SHD: variants seen among roughly 807,000 people sequenced by gnomAD.
The protein encoded by SHD is SH2 domain-containing adapter protein D.
A neutral mutation model predicts 31.2 loss-of-function variants in SHD; 29 were observed. The observed-to-expected ratio is 0.93, with a 90% CI of 0.69 to 1.27. SHD has a LOEUF of 1.27. SHD is among the 50% of genes most tolerant of loss of function. SHD has a pLI of 0.00. For synonymous variants in SHD, 208 were observed against 187.8 expected, an observed-to-expected ratio of 1.11 and a Z score of -0.88; for missense variants, 520 against 453.8, an observed-to-expected ratio of 1.15 and a Z score of -1.33.
chr19:4,281,084 C>T (rs937698688), intron 1 of SHD, among the ~76,000 whole-genome samples: 2 of 151,992 alleles, frequency 1.3e-5, no homozygotes, highest in Admixed American at 6.6e-5. Context: ...TTTACAGAAG[C>T]GAAACTGAGG....
chr19:4,285,884 CCTTT>C (rs1448269687), intron 4 of SHD, among the ~76,000 whole-genome samples: 3 of 108,874 alleles, frequency 2.8e-5, no homozygotes, highest in African/African-American at 1.1e-4. Context: ...CTTTTCTTTT[CCTTT>C]CTTTTTTTTT....
In SHD at chr19:4,279,926, G is replaced by A; in HGVS notation, c.-138G>A. 9.3e-7 allele frequency: 1 copy of A among 1,075,500 alleles called. No homozygotes were observed. Among genetic ancestry groups the A allele is most frequent in the East Asian group, 2.6e-5 (1 of 38,418 alleles). 66.6% of individuals were successfully genotyped at this position (1,075,500 alleles called of 1,614,324 possible). A position where few individuals can be genotyped will look rare whatever the true frequency, so the allele number is the denominator to read the frequency against. On this transcript the variant is annotated 5_prime_UTR_variant, in exon 1 of 6. Transcript: ENST00000543264. This position sits in a 1 kb window ranked among gnomAD's most constrained non-coding sequence, Gnocchi z 7.5. Reference sequence around the variant, plus strand: ...TCTATCCATCCAGAGCCCCGCCAAAGGGCGCACCTGATCTTTCTCATCCTT... The same window carrying A: ...TCTATCCATCCAGAGCCCCGCCAAAAGGCGCACCTGATCTTTCTCATCCTT...
chr19:4,288,136 C>T (rs529859842), intron 4 of SHD, 107 bp from the exon 5 acceptor site: 30 of 1,343,402 alleles, frequency 2.2e-5, no homozygotes, highest in Non-Finnish European at 3.0e-5. Context: ...AACTCCTGAC[C>T]TCAGGCAATC....
chr19:4,282,798 C>A, intron 1 of SHD, 72 bp from the exon 2 acceptor site: 1 of 1,271,794 alleles, frequency 7.9e-7, no homozygotes. Flanking sequence ...TGTGGGCAGG[C>A]AAGAGGTGCA....
rs1971230412 is a variant in SHD at position 4,279,305 on chromosome 19, G to C, written c.-759G>C. 1 of 151,850 alleles carries C rather than the reference G, an allele frequency of 6.6e-6. No homozygotes were observed. The highest frequency in any genetic ancestry group is 2.0e-4 in the East Asian group (1 of 5,118). The allele number at this position is 151,850 out of a possible 1,614,324, so 9.4% of individuals were successfully genotyped here. ...CGCGGCCCGGGGCTGGTGGGAACAG[G>C]GGCGTCCTCCTGCGCGCCCCCCTCC... On this transcript the variant is annotated 5_prime_UTR_variant, in exon 1 of 6. Coordinates refer to ENST00000543264, the MANE Select transcript of SHD (RefSeq NM_020209.4). The surrounding 1 kb of genome is among the most constrained non-coding windows in gnomAD (Gnocchi z 7.5).
intron 3 of SHD, among the ~76,000 whole-genome samples, chr19:4,284,162 C>CGTG (rs1366486155): frequency 1.3e-5 from 2 of 151,664 alleles, no homozygotes; most frequent in Admixed American, 6.6e-5. Context: ...ATTAGTCGGG[C>CGTG]GTGGTGGTGC....
At chr19:4,283,907 T>A (rs1971282944) in intron 3 of SHD, among the ~76,000 whole-genome samples, 1 of 152,032 alleles carries the variant, frequency 6.6e-6, no homozygotes, top group Non-Finnish European at 1.5e-5. Context: ...TAGCTGCTAG[T>A]AAACTACAGG....
At position 4,279,911 on chromosome 19, in the gene SHD, C is replaced by A; in HGVS notation, c.-153C>A. On this transcript the variant is annotated 5_prime_UTR_variant, in exon 1 of 6. Coordinates refer to ENST00000543264, the MANE Select transcript of SHD (RefSeq NM_020209.4). The surrounding 1 kb of genome is among the most constrained non-coding windows in gnomAD (Gnocchi z 7.5). The stretch of plus-strand genomic sequence containing the variant: ...CACCTTTTCCTTCCCTCTATCCATC[C>A]AGAGCCCCGCCAAAGGGCGCACCTG... 1 of 916,786 alleles carries A rather than the reference C, an allele frequency of 1.1e-6. No homozygotes were observed. The highest frequency in any genetic ancestry group is 1.6e-6 in the Non-Finnish European group (1 of 618,116). The allele number at this position is 916,786 out of a possible 1,614,324, so 56.8% of individuals were successfully genotyped here.
At chr19:4,285,995 A>G (rs1345879800) in intron 4 of SHD, among the ~76,000 whole-genome samples, 8 of 137,114 alleles carry the variant, frequency 5.8e-5, no homozygotes, top group East Asian at 2.3e-4. Context: ...TGGTTCAAGC[A>G]ATTCTCTTGC....
chr19:4,285,573 C>T (rs770375239), intron 4 of SHD, among the ~76,000 whole-genome samples: 11 of 151,542 alleles, frequency 7.3e-5, no homozygotes, highest in South Asian at 4.2e-4. Context: ...CCTCCCTCCC[C>T]GAGTCTTGCT....
Position 4,289,547 on chromosome 19 carries a change from CTTATTA to C in SHD, c.837-888_837-883del, listed in dbSNP as rs1353013897. 1.9e-3 allele frequency among the ~76,000 whole-genome samples: 284 copies of C among 150,126 alleles called. 1 individual carries two copies. Among genetic ancestry groups the C allele is most frequent in the African/African-American group, 6.6e-3 (271 of 40,914 alleles). On this transcript the variant is annotated intron_variant, in intron 5 of 5. Transcript: ENST00000543264. ...AGGTGTGGGTCACTGCACCTGGCCTCTTATTATTATTATTATTTATTTATTTATTTA... is the reference window on the plus strand; with the variant it reads ...AGGTGTGGGTCACTGCACCTGGCCTCTTATTATTATTTATTTATTTATTTA...
chr19:4,283,498 G>C (rs892455880), intron 3 of SHD, among the ~76,000 whole-genome samples: 1 of 152,154 alleles, frequency 6.6e-6, no homozygotes, highest in Non-Finnish European at 1.5e-5. Context: ...GGTGTGGGGA[G>C]AGGAATATGG....
chr19:4,286,486 C>T (rs1287335393), intron 4 of SHD, among the ~76,000 whole-genome samples: 6 of 151,892 alleles, frequency 4.0e-5, no homozygotes, highest in East Asian at 1.9e-4. Flanking sequence ...ACCACAGGCA[C>T]GCCATATGTG....
At position 4,290,591 on chromosome 19, in the gene SHD, G is replaced by A. The variant is rs778798546; in HGVS notation, c.981G>A (p.Glu327=). ...SSRPLPVQGA[E]HLALLYPVVT... is the part of the protein sequence containing the mutation. ...GCCCACTGCCGGTGCAGGGTGCCGA[G>A]CATCTGGCTCTGCTGTACCCCGTGG... The change falls in exon 6 of 6, where the codon GAG becomes GAA. Residue 327 remains glutamate, a synonymous_variant. Coordinates refer to ENST00000543264, the MANE Select transcript of SHD (RefSeq NM_020209.4). The A allele has an allele frequency of 1.9e-6, 3 of 1,613,432 alleles. No homozygotes were observed. The highest frequency in any genetic ancestry group is 2.5e-6 in the Non-Finnish European group (3 of 1,179,832).
rs1158652048 is a variant in SHD at position 4,279,766 on chromosome 19, C to G, written c.-298C>G. On this transcript the variant is annotated 5_prime_UTR_variant, in exon 1 of 6. Transcript: ENST00000543264. The surrounding 1 kb of genome is among the most constrained non-coding windows in gnomAD (Gnocchi z 7.5). ...CCGCGGATGCCCCTCGCCCTAGCCC[C>G]CAGCGCGCGGGGTTCGGGGCCCTGC... The G allele has an allele frequency of 9.8e-6, 4 of 409,014 alleles. No individual in the cohort carries two copies. Among genetic ancestry groups the G allele is most frequent in the Non-Finnish European group, 1.8e-5 (4 of 228,568 alleles). 25.3% of individuals were successfully genotyped at this position (409,014 alleles called of 1,614,324 possible). A position where few individuals can be genotyped will look rare whatever the true frequency, so the allele number is the denominator to read the frequency against.
At position 4,288,369 on chromosome 19, in the gene SHD, A is replaced by G; in HGVS notation, c.836+7A>G. The G allele has an allele frequency of 6.2e-7, 1 of 1,611,178 alleles. No homozygotes were observed. Among genetic ancestry groups the G allele is most frequent in the Non-Finnish European group, 8.5e-7 (1 of 1,178,640 alleles). ...ACTGCTCCTTGTCTCTCAGGTGAGAACTCAGCCTCACAGGGACGAAGGGTC... is the reference window on the plus strand; with the variant it reads ...ACTGCTCCTTGTCTCTCAGGTGAGAGCTCAGCCTCACAGGGACGAAGGGTC... On this transcript the variant is annotated splice_region_variant and intron_variant, in intron 5 of 5. Coordinates refer to ENST00000543264, the MANE Select transcript of SHD (RefSeq NM_020209.4).
At position 4,283,155 on chromosome 19, in the gene SHD, C is replaced by A; in HGVS notation, c.505C>A (p.Arg169=). ...TTCTGGGCAGAAGCCTCGGCAGAGC[C>A]GGATGCCCCAGGAAGATGAACGGCC... ...PPSGQKPRQS[R]MPQEDERPAD... is the part of the protein sequence containing the mutation. The change falls in exon 3 of 6, where the codon CGG becomes AGG. Residue 169 remains arginine (R), a synonymous_variant. Coordinates refer to ENST00000543264, the MANE Select transcript of SHD (RefSeq NM_020209.4). 6.2e-7 allele frequency: 1 copy of A among 1,614,104 alleles called. No homozygotes were observed. Among genetic ancestry groups the A allele is most frequent in the Non-Finnish European group, 8.5e-7 (1 of 1,180,030 alleles).
intron 4 of SHD, among the ~76,000 whole-genome samples, chr19:4,286,481 A>G (rs1971320348): frequency 6.6e-6 from 1 of 151,950 alleles, no homozygotes; most frequent in African/African-American, 2.4e-5. Flanking sequence ...ATGGGACCAC[A>G]GGCACGCCAT....
intron 1 of SHD, among the ~76,000 whole-genome samples, chr19:4,280,727 A>T (rs1436941350): frequency 6.6e-6 from 1 of 151,942 alleles, no homozygotes; most frequent in South Asian, 2.1e-4. Flanking sequence ...TGGTTTCACC[A>T]TGTTAGCCAG....
Sources: allele counts gnomAD v4.1 joint callset (sites outside exome capture counted in the v4.1 genomes callset), GRCh38; gene constraint gnomAD v4.1.1; non-coding constraint Gnocchi (gnomAD v3.1); transcripts MANE v1.5; gene names NCBI Gene and HGNC (gene_info 2026-07-23, HGNC 2026-07-21).